The following SPATA22 variants were observed in gnomAD, a reference collection of about 807,000 sequenced individuals.
The protein encoded by SPATA22 is spermatogenesis associated 22.
A neutral mutation model predicts 47.8 loss-of-function variants in SPATA22; 29 were observed. That is an observed-to-expected ratio of 0.61 (90% CI 0.45 to 0.83). The LOEUF (loss-of-function observed/expected upper bound fraction) is 0.83. Among genes scored for constraint, SPATA22 ranks in the 40% least tolerant of loss-of-function variants. SPATA22 has a pLI of 0.00. For missense variants in SPATA22, 410 were observed against 421.7 expected, an observed-to-expected ratio of 0.97 and a Z score of 0.24; for synonymous variants, 133 against 140.9, an observed-to-expected ratio of 0.94 and a Z score of 0.40.
chr17:3,454,870 G>A (rs143731076), intron 5 of SPATA22, among the ~76,000 whole-genome samples: 28,785 of 151,966 alleles, frequency 0.19, 2,868 homozygotes, highest in Middle Eastern at 0.33. Context: ...TTGAGGAATC[G>A]CCACACTGAC....
At chr17:3,497,626 C>T (rs570063587) in intron 1 of SPATA22, among the ~76,000 whole-genome samples, 3 of 152,208 alleles carry the variant, frequency 2.0e-5, no homozygotes, top group Admixed American at 6.5e-5. Flanking sequence ...ATGTATTTAA[C>T]ATCCCAAGCG....
chr17:3,503,643 T>A (rs985183014), intron 1 of SPATA22, among the ~76,000 whole-genome samples: 2 of 152,236 alleles, frequency 1.3e-5, no homozygotes, highest in African/African-American at 4.8e-5. Flanking sequence ...ATTATTCCTA[T>A]CAAGTCTAAT....
At chr17:3,455,530 C>T (rs1267954552) in intron 5 of SPATA22, among the ~76,000 whole-genome samples, 2 of 143,628 alleles carry the variant, frequency 1.4e-5, no homozygotes, top group Admixed American at 7.3e-5. Context: ...CCAGTTTTCC[C>T]AGCACCATTT....
At chr17:3,449,839 G>A (rs8067312) in intron 5 of SPATA22, among the ~76,000 whole-genome samples, 35,565 of 151,878 alleles carry the variant, frequency 0.23, 4,432 homozygotes, top group East Asian at 0.42. Context: ...AACAAAACTA[G>A]TCTAAGTCAC....
At chr17:3,472,990 A>G (rs1040275610), upstream of SPATA22, among the ~76,000 whole-genome samples, 2 of 152,056 alleles carry the variant, frequency 1.3e-5, no homozygotes, top group African/African-American at 4.8e-5. Context: ...GGTTCCAGAG[A>G]GGAGTTACCC....
At chr17:3,454,477 G>A (rs1428763708) in intron 5 of SPATA22, among the ~76,000 whole-genome samples, 10 of 151,538 alleles carry the variant, frequency 6.6e-5, no homozygotes, top group Non-Finnish European at 1.0e-4. Context: ...AGTCCCCAGA[G>A]TGTGATGTTC....
intron 3 of SPATA22, among the ~76,000 whole-genome samples, chr17:3,464,244 G>A (rs978864169): frequency 1.3e-5 from 2 of 151,880 alleles, no homozygotes; most frequent in African/African-American, 4.8e-5. Flanking sequence ...GGCCTCCGGA[G>A]GTGCCGGGAT....
At chr17:3,463,024 T>C (rs926355163) in intron 3 of SPATA22, among the ~76,000 whole-genome samples, 1 of 152,252 alleles carries the variant, frequency 6.6e-6, no homozygotes, top group Non-Finnish European at 1.5e-5. Context: ...TCTAGTATAG[T>C]ATCTTTAACT....
chr17:3,476,365 T>C, upstream of SPATA22: 1 of 1,614,152 alleles, frequency 6.2e-7, no homozygotes, highest in Middle Eastern at 1.6e-4. Flanking sequence ...GACTGTGACC[T>C]GAATCGCATT....
chr17:3,443,377 A>T, intron 7 of SPATA22, 106 bp from the exon 8 acceptor site: 2 of 694,824 alleles, frequency 2.9e-6, no homozygotes, highest in Non-Finnish European at 4.7e-6. Flanking sequence ...AACCTCTCAT[A>T]GTGCTATTTA....
At chr17:3,506,034 A>T (rs995369933) in intron 1 of SPATA22, among the ~76,000 whole-genome samples, 2 of 152,232 alleles carry the variant, frequency 1.3e-5, no homozygotes, top group Admixed American at 6.5e-5. Context: ...CTGGGATTAC[A>T]GGCGTGAGCC....
intron 3 of SPATA22, among the ~76,000 whole-genome samples, chr17:3,466,628 A>C (rs2073320469): frequency 6.6e-6 from 1 of 152,226 alleles, no homozygotes; most frequent in Non-Finnish European, 1.5e-5. Context: ...AACTGGATGA[A>C]GGTGTGTCTT....
At chr17:3,470,612 G>A (rs1429379951) in intron 1 of SPATA22, among the ~76,000 whole-genome samples, 3 of 151,908 alleles carry the variant, frequency 2.0e-5, no homozygotes, top group Non-Finnish European at 4.4e-5. Flanking sequence ...TTAGCCGGGC[G>A]TGGTGGCAGG....
rs548788006 is a variant in SPATA22 at position 3,490,711 on chromosome 17, A to G, written c.-73-21313T>C. 3.9e-5 allele frequency among the ~76,000 whole-genome samples: 6 copies of G among 152,216 alleles called. No individual in the cohort carries two copies. Among genetic ancestry groups the G allele is most frequent in the South Asian group, 4.1e-4 (2 of 4,832 alleles). ...AACATACTTACAATAAACCCTCTGAATAGGAAGTGTGGGACTACAATATAT... is the reference window on the plus strand; with the variant it reads ...AACATACTTACAATAAACCCTCTGAGTAGGAAGTGTGGGACTACAATATAT... On this transcript the variant is annotated intron_variant, in intron 1 of 8. Coordinates refer to the SPATA22 transcript ENST00000541913. The surrounding 1 kb of genome is among the most constrained non-coding windows in gnomAD (Gnocchi z 4.6).
chr17:3,512,505 T>G (rs1489560709), intron 1 of SPATA22: 1 of 152,264 alleles, frequency 6.6e-6, no homozygotes, highest in African/African-American at 2.4e-5. Flanking sequence ...CCATGTTATC[T>G]GAAGGCCAAA....
intron 6 of SPATA22, among the ~76,000 whole-genome samples, chr17:3,447,690 A>G (rs2072758556): frequency 6.6e-6 from 1 of 152,228 alleles, no homozygotes; most frequent in Non-Finnish European, 1.5e-5. Context: ...TCCTAGGCTG[A>G]AAGGACAAGA....
intron 1 of SPATA22, chr17:3,502,093 C>A (rs116109217): frequency 5.7e-4 from 87 of 152,306 alleles, no homozygotes; most frequent in African/African-American, 2.0e-3. Context: ...GAAATTGTCA[C>A]GGCCATCCCA....
chr17:3,456,375 G>A (rs554495518), intron 5 of SPATA22, among the ~76,000 whole-genome samples: 214 of 147,602 alleles, frequency 1.4e-3, no homozygotes, highest in African/African-American at 3.6e-3. Flanking sequence ...TATCACCACC[G>A]ATCCCACAGA....
chr17:3,499,276 T>G (rs1303556726), intron 1 of SPATA22: 1 of 515,842 alleles, frequency 1.9e-6, no homozygotes, highest in Non-Finnish European at 3.3e-6. Context: ...ATTTTATGTA[T>G]GTAGCTTATT....
Sources: allele counts gnomAD v4.1 joint callset (sites outside exome capture counted in the v4.1 genomes callset), GRCh38; gene constraint gnomAD v4.1.1; non-coding constraint Gnocchi (gnomAD v3.1); transcripts MANE v1.5; gene names NCBI Gene and HGNC (gene_info 2026-07-23, HGNC 2026-07-21).